CNIH4: variants seen among roughly 807,000 people sequenced by gnomAD.
CNIH4 encodes the protein cornichon family member 4, also known as protein cornichon homolog 4.
Under a neutral mutation model 21.5 loss-of-function variants are expected in CNIH4, and 9 were observed. The ratio of observed to expected loss-of-function variants is 0.42; its 90% confidence interval spans 0.25 to 0.73. CNIH4 has a LOEUF of 0.73. CNIH4 is among the 30% of genes least tolerant of loss of function. The pLI is 0.27. For missense variants in CNIH4, 159 were observed against 170.0 expected, an observed-to-expected ratio of 0.94 and a Z score of 0.36; for synonymous variants, 67 against 59.1, an observed-to-expected ratio of 1.13 and a Z score of -0.61.
intron 1 of CNIH4, among the ~76,000 whole-genome samples, chr1:224,357,899 T>G (rs1672164513): frequency 6.6e-6 from 1 of 152,246 alleles, no homozygotes; most frequent in South Asian, 2.1e-4. Flanking sequence ...TGCCCAATGT[T>G]GTATTGCACC....
intron 4 of CNIH4, 58 bp downstream of exon 4, chr1:224,371,481 T>A: frequency 1.3e-6 from 2 of 1,519,890 alleles, no homozygotes; most frequent in Non-Finnish European, 1.8e-6. Context: ...AAGGGTGAGA[T>A]ATTACTATAC....
At chr1:224,367,234 T>G (rs1222119586) in intron 3 of CNIH4, among the ~76,000 whole-genome samples, 1 of 152,168 alleles carries the variant, frequency 6.6e-6, no homozygotes, top group Non-Finnish European at 1.5e-5. Context: ...GGACCATTCA[T>G]TGGCTGTTTT....
intron 2 of CNIH4, chr1:224,364,529 C>A: frequency 8.4e-6 from 2 of 239,086 alleles, no homozygotes; most frequent in Non-Finnish European, 1.4e-5. Flanking sequence ...GATTGCACAG[C>A]TAATAAATAG....
At chr1:224,361,377 C>G (rs1338670208) in intron 2 of CNIH4, among the ~76,000 whole-genome samples, 2 of 152,018 alleles carry the variant, frequency 1.3e-5, no homozygotes, top group Non-Finnish European at 2.9e-5. Context: ...CTCAGCCTCC[C>G]AAAGTGTTAG....
chr1:224,356,851 C>G, upstream of CNIH4: 4 of 1,305,390 alleles, frequency 3.1e-6, no homozygotes, highest in Non-Finnish European at 4.3e-6. Context: ...CCAGCCCCGG[C>G]AAGGGCCTAT....
rs755731202 is a variant in CNIH4, at chr1:224,356,950, C to T, written c.26C>T (p.Ser9Phe). Residue 9 changes from serine (S) to phenylalanine (F), a missense_variant, in exon 1 of 5, where the codon TCT (serine) becomes TTT (phenylalanine). Transcript: ENST00000465271. MEAVVFVF[S>F]LLDCCALIFL... Reference sequence around the variant, plus strand: ...ATGGAGGCGGTGGTGTTCGTCTTCTCTCTCCTCGATTGTTGCGCGCTCATC... The same window carrying T: ...ATGGAGGCGGTGGTGTTCGTCTTCTTTCTCCTCGATTGTTGCGCGCTCATC... The T allele has an allele frequency of 2.5e-6, 4 of 1,612,246 alleles. No homozygotes were observed. Among genetic ancestry groups the T allele is most frequent in the South Asian group, 2.2e-5 (2 of 90,548 alleles).
intron 2 of CNIH4, among the ~76,000 whole-genome samples, chr1:224,361,823 G>A (rs915380605): frequency 3.9e-5 from 6 of 152,050 alleles, no homozygotes; most frequent in African/African-American, 1.2e-4. Flanking sequence ...AGGCTCAAGT[G>A]ATCTGCCCTC....
chr1:224,375,885 T>G lies in CNIH4; in HGVS notation c.*63T>G. ...AGTGCACAGTTGAGGAGCCAGAGAC[T>G]TCTTAAATCATCCTTAGAACCGTGA... On this transcript the variant is annotated 3_prime_UTR_variant, in exon 5 of 5. Transcript: ENST00000465271. 1 of 1,599,714 alleles carries G rather than the reference T, an allele frequency of 6.3e-7. No homozygotes were observed. Among genetic ancestry groups the G allele is most frequent in the Admixed American group, 1.7e-5 (1 of 58,214 alleles).
intron 4 of CNIH4, among the ~76,000 whole-genome samples, chr1:224,373,599 G>A (rs760246629): frequency 6.6e-5 from 10 of 151,874 alleles, no homozygotes; most frequent in African/African-American, 9.7e-5. Context: ...GGAGGCCGAG[G>A]TGGGTGGATC....
intron 3 of CNIH4, among the ~76,000 whole-genome samples, chr1:224,366,697 G>T (rs971552186): frequency 7.0e-6 from 1 of 143,732 alleles, no homozygotes; most frequent in Non-Finnish European, 1.5e-5. Context: ...AGTGGCTCAC[G>T]CCTGTAATCC....
At chr1:224,369,926 G>A (rs139122738) in intron 3 of CNIH4, among the ~76,000 whole-genome samples, 2,104 of 151,950 alleles carry the variant, frequency 0.014, 56 homozygotes, top group African/African-American at 0.048. Context: ...CTCCCGCCTC[G>A]GCCTCCTGGA....
At position 224,365,990 on chromosome 1, in the gene CNIH4, C is replaced by CGATACATTAT. The variant is rs2102857788; in HGVS notation, c.251_251+1insATACATTATG (p.Val88IlefsTer8). The CGATACATTAT allele has an allele frequency of 3.9e-6, 6 of 1,553,526 alleles. No homozygotes were observed. Among genetic ancestry groups the CGATACATTAT allele is most frequent in the Non-Finnish European group, 4.4e-6 (5 of 1,125,008 alleles). ...ACCTGTTGCCACTTGGAATATATATCGGTGAGTATAGTTTGTTTACTTTGG... is the reference window on the plus strand; with the variant it reads ...ACCTGTTGCCACTTGGAATATATATCGATACATTATGGTGAGTATAGTTTGTTTACTTTGG... On this transcript the variant is annotated frameshift_variant and splice_region_variant, in exon 3 of 5. Coordinates refer to ENST00000465271, the MANE Select transcript of CNIH4 (RefSeq NM_014184.4). LOFTEE classifies it high-confidence loss of function.
intron 3 of CNIH4, 84 bp from the exon 4 acceptor site, chr1:224,371,199 C>T (rs1482705250): frequency 4.9e-6 from 7 of 1,421,126 alleles, no homozygotes; most frequent in East Asian, 2.3e-5. Context: ...TTTTAAAAGT[C>T]GATTATTATT....
At chr1:224,365,226 A>G (rs1459024967) in intron 2 of CNIH4, among the ~76,000 whole-genome samples, 1 of 152,206 alleles carries the variant, frequency 6.6e-6, no homozygotes, top group Admixed American at 6.5e-5. Context: ...ATAGGAAAGG[A>G]AAGCTGTTGG....
chr1:224,357,177 T>G, intron 1 of CNIH4, 184 bp downstream of exon 1: 2 of 621,760 alleles, frequency 3.2e-6, no homozygotes, highest in Non-Finnish European at 5.5e-6. Context: ...CTGGCTGCCC[T>G]ACCCGACGGG....
Position 224,376,028 on chromosome 1 carries a change from G to T in CNIH4, c.*206G>T, listed in dbSNP as rs1219257773. 1.6e-6 allele frequency: 2 copies of T among 1,267,290 alleles called. No individual in the cohort carries two copies. The highest frequency in any genetic ancestry group is 3.8e-5 in the Admixed American group (1 of 26,216). 78.5% of individuals were successfully genotyped at this position (1,267,290 alleles called of 1,614,324 possible). A position where few individuals can be genotyped will look rare whatever the true frequency, so the allele number is the denominator to read the frequency against. On this transcript the variant is annotated 3_prime_UTR_variant, in exon 5 of 5. Transcript: ENST00000465271. ...TGTAGATTTCTAGTTCTCAACTTTAGCCTGAACGCCAACACTTGAAGGTGT... is the reference window on the plus strand; with the variant it reads ...TGTAGATTTCTAGTTCTCAACTTTATCCTGAACGCCAACACTTGAAGGTGT...
At chr1:224,374,730 T>G (rs1180280985) in intron 4 of CNIH4, among the ~76,000 whole-genome samples, 1 of 152,208 alleles carries the variant, frequency 6.6e-6, no homozygotes, top group African/African-American at 2.4e-5. Context: ...CAGTTTCTGA[T>G]CTGAAAAGGG....
chr1:224,373,252 C>G (rs979695420), intron 4 of CNIH4, among the ~76,000 whole-genome samples: 4 of 152,114 alleles, frequency 2.6e-5, no homozygotes, highest in Non-Finnish European at 5.9e-5. Context: ...TGTATCTTTA[C>G]TGTCATATAT....
chr1:224,366,806 A>AT, intron 3 of CNIH4, among the ~76,000 whole-genome samples: 1 of 151,072 alleles, frequency 6.6e-6, no homozygotes, highest in East Asian at 2.0e-4. Context: ...TAAAAATAAA[A>AT]AAAAAAATTA....
Sources: allele counts gnomAD v4.1 joint callset (sites outside exome capture counted in the v4.1 genomes callset), GRCh38; gene constraint gnomAD v4.1.1; transcripts MANE v1.5; gene names NCBI Gene and HGNC (gene_info 2026-07-23, HGNC 2026-07-21).